Variants in GSDME observed in about 807,000 individuals in gnomAD.
The protein encoded by GSDME is gasdermin-E.
GSDME carries 44 observed loss-of-function variants against 47.5 expected under a neutral mutation model. The ratio of observed to expected loss-of-function variants is 0.93; its 90% confidence interval spans 0.73 to 1.19. The LOEUF (loss-of-function observed/expected upper bound fraction) is 1.19, where lower values mean the gene tolerates loss of function less well. Ranked by LOEUF, GSDME falls within the 50% of genes most tolerant of loss-of-function variation. The pLI is 0.00. For missense variants in GSDME, 663 were observed against 604.2 expected, an observed-to-expected ratio of 1.10 and a Z score of -1.02; for synonymous variants, 258 against 252.8, an observed-to-expected ratio of 1.02 and a Z score of -0.20.
chr7:24,747,912 C>A (rs932784615), intron 2 of GSDME, among the ~76,000 whole-genome samples: 6 of 152,026 alleles, frequency 3.9e-5, no homozygotes, highest in Admixed American at 3.9e-4. Flanking sequence ...AAGCGATCCG[C>A]CCACCTCGGC....
chr7:24,784,482 T>A, the GSDME span, among the ~76,000 whole-genome samples: 1 of 152,074 alleles, frequency 6.6e-6, no homozygotes, highest in Non-Finnish European at 1.5e-5. Flanking sequence ...AAACCACTGG[T>A]CTAAGTCCAA....
At chr7:24,766,893 C>T in the GSDME span, among the ~76,000 whole-genome samples, 4 of 152,316 alleles carry the variant, frequency 2.6e-5, no homozygotes, top group East Asian at 3.9e-4. This position sits in a 1 kb window ranked among gnomAD's most constrained non-coding sequence, Gnocchi z 4.2. Flanking sequence ...TCTTCCACAA[C>T]GGTTGACCTA....
At chr7:24,760,630 T>C (rs544660164), upstream of GSDME, among the ~76,000 whole-genome samples, 18 of 152,372 alleles carry the variant, frequency 1.2e-4, no homozygotes, top group African/African-American at 4.1e-4. This position sits in a 1 kb window ranked among gnomAD's most constrained non-coding sequence, Gnocchi z 4.2. Flanking sequence ...TTTTCACATA[T>C]GCATAATTTT....
At chr7:24,711,838 A>G (rs1455024184) in intron 5 of GSDME, among the ~76,000 whole-genome samples, 1 of 150,386 alleles carries the variant, frequency 6.6e-6, no homozygotes, top group East Asian at 2.0e-4. Flanking sequence ...AAAAAAGGCA[A>G]AGAAATGTTT....
intron 9 of GSDME, 169 bp downstream of exon 9, chr7:24,702,591 A>G (rs1330117609): frequency 4.8e-6 from 3 of 619,740 alleles, no homozygotes; most frequent in East Asian, 3.5e-5. Context: ...CAGTCTTCCC[A>G]TGGGGTGGGA....
chr7:24,766,290 CTTTA>C, the GSDME span, among the ~76,000 whole-genome samples: 747 of 150,362 alleles, frequency 5.0e-3, 8 homozygotes, highest in African/African-American at 0.016. The surrounding 1 kb of genome is among the most constrained non-coding windows in gnomAD (Gnocchi z 4.2). Flanking sequence ...CTGCACAACA[CTTTA>C]TTTATTTATT....
chr7:24,715,386 A>G (rs1269765189), intron 5 of GSDME: 4 of 458,852 alleles, frequency 8.7e-6, no homozygotes, highest in Non-Finnish European at 1.8e-5. Flanking sequence ...TGGGTGATGG[A>G]TGTGTTCATT....
chr7:24,785,949 C>T, the GSDME span, among the ~76,000 whole-genome samples: 1,778 of 152,306 alleles, frequency 0.012, 32 homozygotes, highest in African/African-American at 0.04. Flanking sequence ...CAAATAATTT[C>T]ACTTTTAGGA....
At chr7:24,788,117 C>T in the GSDME span, among the ~76,000 whole-genome samples, 1 of 152,358 alleles carries the variant, frequency 6.6e-6, no homozygotes, top group East Asian at 1.9e-4. The surrounding 1 kb of genome is among the most constrained non-coding windows in gnomAD (Gnocchi z 4.6). Flanking sequence ...TATCTACTTA[C>T]TGAAAATGCG....
At chr7:24,723,958 T>A (rs540421051) in intron 3 of GSDME, among the ~76,000 whole-genome samples, 3 of 152,180 alleles carry the variant, frequency 2.0e-5, no homozygotes, top group Non-Finnish European at 4.4e-5. Context: ...TGCCGCCCTG[T>A]GCCATTTGAC....
Position 24,754,481 on chromosome 7 carries a change from GTCTC to G in GSDME, c.-20+2911_-20+2914del. ...GCCTGGGCAACAAGAGCGAAACTTT[GTCTC>G]AAAAAAAAAAAAAAAAAGTTGTATT... is the stretch of plus-strand genomic sequence containing the variant. On this transcript the variant is annotated intron_variant, in intron 1 of 9. Transcript: ENST00000645220. The surrounding 1 kb of genome is among the most constrained non-coding windows in gnomAD (Gnocchi z 5.0). Among the ~76,000 whole-genome samples, 1 of 108,092 alleles carries G rather than the reference GTCTC, an allele frequency of 9.3e-6. No individual in the cohort carries two copies. The allele number at this position is 108,092 out of a possible 152,430, so 70.9% of individuals were successfully genotyped here.
At chr7:24,707,231 A>G (rs1035019792) in intron 7 of GSDME, 12 of 449,470 alleles carry the variant, frequency 2.7e-5, no homozygotes, top group South Asian at 4.9e-5. Flanking sequence ...CAGTTATTCA[A>G]ACTCCCTGCA....
intron 4 of GSDME, among the ~76,000 whole-genome samples, chr7:24,718,716 C>T (rs974746935): frequency 9.2e-5 from 14 of 152,178 alleles, no homozygotes; most frequent in African/African-American, 3.4e-4. Context: ...GTCCTAGGCC[C>T]CCCTCACCCC....
Position 24,728,478 on chromosome 7 carries a change from G to A in GSDME, c.405-9260C>T, listed in dbSNP as rs1035690685. Among the ~76,000 whole-genome samples, 4 of 152,198 alleles carry A rather than the reference G, an allele frequency of 2.6e-5. No homozygotes were observed. Among genetic ancestry groups the A allele is most frequent in the South Asian group, 2.1e-4 (1 of 4,818 alleles). On this transcript the variant is annotated intron_variant, in intron 3 of 9. Transcript: ENST00000645220. This position sits in a 1 kb window ranked among gnomAD's most constrained non-coding sequence, Gnocchi z 7.2. ...TATTTCAGAAAGCAACAAGAAGCAC[G>A]AAGAACTCAGAAGCCAAGGGGCTGG...
At chr7:24,699,285 C>T (rs766916527) in intron 9 of GSDME, 26 bp from the exon 10 acceptor site, 2 of 1,538,696 alleles carry the variant, frequency 1.3e-6, no homozygotes, top group African/African-American at 2.7e-5. Flanking sequence ...TAAACAAATT[C>T]ACTTTTAAAA....
chr7:24,753,540 T>C (rs558157938), intron 1 of GSDME, among the ~76,000 whole-genome samples: 89 of 152,268 alleles, frequency 5.8e-4, no homozygotes, highest in South Asian at 2.5e-3. Flanking sequence ...AGAAAAGAGA[T>C]TGCTAGAACA....
At chr7:24,707,577 T>C (rs931631101) in intron 7 of GSDME, 21 of 368,836 alleles carry the variant, frequency 5.7e-5, no homozygotes, top group South Asian at 4.3e-4. Context: ...GTGACCTTAG[T>C]CTTTGCAGAT....
rs568480314 is a variant in GSDME, at chr7:24,706,066, G to A, written c.1183+118C>T. On this transcript the variant is annotated intron_variant, in intron 8 of 9. Coordinates refer to ENST00000645220, the MANE Select transcript of GSDME (RefSeq NM_001127453.2). The stretch of plus-strand genomic sequence containing the variant: ...TTACCCTCCCTGTACCAGAAGGGAA[G>A]GACCTGTATGTACCATATCTTCCAC... 174 of 1,266,248 alleles carry A rather than the reference G, an allele frequency of 1.4e-4. 1 individual carries two copies. Among genetic ancestry groups the A allele is most frequent in the Non-Finnish European group, 1.9e-4 (173 of 893,042 alleles). 78.4% of individuals were successfully genotyped at this position (1,266,248 alleles called of 1,614,324 possible).
At chr7:24,773,262 T>C in the GSDME span, among the ~76,000 whole-genome samples, 6 of 152,258 alleles carry the variant, frequency 3.9e-5, no homozygotes, top group Non-Finnish European at 7.3e-5. The surrounding 1 kb of genome is among the most constrained non-coding windows in gnomAD (Gnocchi z 5.4). Context: ...CTTACATGGC[T>C]GTTTAAATCA....
Sources: gnomAD v4.1 joint callset for allele counts (sites outside exome capture counted in the v4.1 genomes callset) on GRCh38, gnomAD v4.1.1 for gene constraint, Gnocchi (gnomAD v3.1) non-coding constraint, MANE v1.5 for transcripts, NCBI Gene and HGNC (gene_info 2026-07-23, HGNC 2026-07-21) for gene names.